ROR1: variants seen among roughly 807,000 people sequenced by gnomAD.
ROR1 encodes inactive tyrosine-protein kinase transmembrane receptor ROR1.
A neutral mutation model predicts 78.8 loss-of-function variants in ROR1; 19 were observed. The observed-to-expected ratio is 0.24, with a 90% CI of 0.17 to 0.35. The LOEUF is 0.35. Among genes scored for constraint, ROR1 ranks in the 10% least tolerant of loss-of-function variants. ROR1 has a pLI of 1.00. For synonymous variants in ROR1, 386 were observed against 433.6 expected (o/e 0.89, Z 1.36); for missense variants, 917 against 1,177.8 (o/e 0.78, Z 3.24).
At position 64,081,805 on chromosome 1, in the gene ROR1, C is replaced by A. The variant is rs565999769; in HGVS notation, c.482+31089C>A. 5.5e-3 allele frequency among the ~76,000 whole-genome samples: 799 copies of A among 145,256 alleles called. 5 individuals carry two copies. Among genetic ancestry groups the A allele is most frequent in the Non-Finnish European group, 9.2e-3 (610 of 66,550 alleles). On this transcript the variant is annotated intron_variant, in intron 4 of 8. Coordinates refer to ENST00000371079, the MANE Select transcript of ROR1 (RefSeq NM_005012.4). ...AAAAGCGGCAAAATATAACACCCCCCACACACATACACAAACACACATTTA... is the reference window on the plus strand; with the variant it reads ...AAAAGCGGCAAAATATAACACCCCCAACACACATACACAAACACACATTTA...
intron 4 of ROR1, among the ~76,000 whole-genome samples, chr1:64,126,792 T>A (rs1648726774): frequency 6.6e-6 from 1 of 152,136 alleles, no homozygotes; most frequent in Non-Finnish European, 1.5e-5. Flanking sequence ...TTGGCTGGCA[T>A]TTTTCCTGGC....
At chr1:64,035,310 A>C (rs1409321551) in intron 2 of ROR1, among the ~76,000 whole-genome samples, 2 of 152,232 alleles carry the variant, frequency 1.3e-5, no homozygotes, top group African/African-American at 4.8e-5. Context: ...GCACACGAAG[A>C]GGAAGCTTAA....
chr1:63,823,687 A>G (rs547801115), intron 1 of ROR1, among the ~76,000 whole-genome samples: 1 of 152,182 alleles, frequency 6.6e-6, no homozygotes, highest in Admixed American at 6.5e-5. Flanking sequence ...TCCTGGCTTC[A>G]AGGAATTCTC....
intron 1 of ROR1, among the ~76,000 whole-genome samples, chr1:63,979,301 G>C (rs540996141): frequency 1.3e-5 from 2 of 152,238 alleles, no homozygotes; most frequent in East Asian, 3.9e-4. Context: ...GAAAGAGATG[G>C]TATGCTCAGA....
At chr1:63,920,609 A>T (rs1478352033) in intron 1 of ROR1, among the ~76,000 whole-genome samples, 1 of 152,170 alleles carries the variant, frequency 6.6e-6, no homozygotes, top group African/African-American at 2.4e-5. Context: ...GCAGATACAG[A>T]TATGAGGAAG....
chr1:63,815,457 C>CTTTTTTTTTTTTTT (rs1644885188), intron 1 of ROR1, among the ~76,000 whole-genome samples: 1 of 103,788 alleles, frequency 9.6e-6, no homozygotes, highest in Non-Finnish European at 1.9e-5. Flanking sequence ...TTTTTTTTTT[C>CTTTTTTTTTTTTTT]TTTTTCTTTT....
chr1:64,036,147 A>G (rs893042189), intron 2 of ROR1, among the ~76,000 whole-genome samples: 2 of 152,176 alleles, frequency 1.3e-5, no homozygotes, highest in African/African-American at 4.8e-5. Flanking sequence ...GACAGGTAAA[A>G]TAAGTGATTT....
At chr1:63,921,873 T>G (rs775884826) in intron 1 of ROR1, among the ~76,000 whole-genome samples, 3 of 152,114 alleles carry the variant, frequency 2.0e-5, no homozygotes, top group Non-Finnish European at 2.9e-5. Flanking sequence ...CAAAAGCTCT[T>G]GGGAAAACCA....
intron 8 of ROR1, among the ~76,000 whole-genome samples, chr1:64,168,188 G>A (rs1423753729): frequency 6.6e-6 from 1 of 152,202 alleles, no homozygotes; most frequent in Non-Finnish European, 1.5e-5. Flanking sequence ...CATTAGCAAG[G>A]CAGGCTCTGG....
At chr1:64,175,027 G>A (rs1376167275) in intron 8 of ROR1, among the ~76,000 whole-genome samples, 1 of 149,058 alleles carries the variant, frequency 6.7e-6, no homozygotes, top group African/African-American at 2.5e-5. Flanking sequence ...TAAAAAAATA[G>A]TTATTTAATT....
intron 1 of ROR1, among the ~76,000 whole-genome samples, chr1:63,815,463 C>CTTTTTTTTT (rs1644885328): frequency 8.9e-6 from 1 of 111,922 alleles, no homozygotes; most frequent in African/African-American, 3.8e-5. Context: ...TTTTCTTTTT[C>CTTTTTTTTT]TTTTCTTTTC....
chr1:63,949,353 G>A (rs1645915471), intron 1 of ROR1, among the ~76,000 whole-genome samples: 1 of 152,048 alleles, frequency 6.6e-6, no homozygotes, highest in Admixed American at 6.5e-5. Flanking sequence ...AAAGGTTTTT[G>A]CCTGAGTGGA....
At chr1:63,961,848 G>A (rs897229664) in intron 1 of ROR1, among the ~76,000 whole-genome samples, 1 of 152,088 alleles carries the variant, frequency 6.6e-6, no homozygotes, top group Non-Finnish European at 1.5e-5. Flanking sequence ...GAAACTGAAT[G>A]TTCCAAACCC....
intron 4 of ROR1, among the ~76,000 whole-genome samples, chr1:64,116,121 T>A (rs912778352): frequency 6.6e-6 from 1 of 152,176 alleles, no homozygotes; most frequent in Non-Finnish European, 1.5e-5. Context: ...TCGTGAACTC[T>A]TGGTCACTAA....
At chr1:64,169,817 A>G (rs1481385741) in intron 8 of ROR1, among the ~76,000 whole-genome samples, 1 of 152,248 alleles carries the variant, frequency 6.6e-6, no homozygotes, top group Non-Finnish European at 1.5e-5. Flanking sequence ...TCCAAATGGG[A>G]GAAATTGGCC....
intron 4 of ROR1, among the ~76,000 whole-genome samples, chr1:64,093,373 G>A (rs913488842): frequency 6.6e-6 from 1 of 152,108 alleles, no homozygotes. Flanking sequence ...TCATGTTTTA[G>A]AGCAAGAAAG....
chr1:64,139,164 CAAAAAAAAAAA>C lies in ROR1; in HGVS notation c.611-928_611-918del, dbSNP rs755368714. ...CCTGGGCGACAGAGTGAGACTGTCT[CAAAAAAAAAAA>C]AAAAAAAAAAAAAAAAGTGGAAGTT... On this transcript the variant is annotated intron_variant, in intron 5 of 8. Transcript: ENST00000371079. Among the ~76,000 whole-genome samples, 7 of 20,670 alleles carry C rather than the reference CAAAAAAAAAAA, an allele frequency of 3.4e-4. No individual in the cohort carries two copies. In the East Asian group the frequency reaches 8.0e-3, roughly 24 times the overall value. 13.6% of individuals were successfully genotyped at this position (20,670 alleles called of 152,430 possible). A position where few individuals can be genotyped will look rare whatever the true frequency, so the allele number is the denominator to read the frequency against.
intron 8 of ROR1, among the ~76,000 whole-genome samples, chr1:64,159,722 C>T (rs537001966): frequency 6.6e-6 from 1 of 152,224 alleles, no homozygotes; most frequent in Admixed American, 6.5e-5. Flanking sequence ...ACTTACATCC[C>T]TTTTTCTTTG....
At chr1:64,045,369 A>G (rs1400186067) in intron 2 of ROR1, among the ~76,000 whole-genome samples, 1 of 152,130 alleles carries the variant, frequency 6.6e-6, no homozygotes, top group South Asian at 2.1e-4. Context: ...TTTTTGGTAT[A>G]CGCGTGTGGA....
Sources: gnomAD v4.1 joint callset for allele counts (sites outside exome capture counted in the v4.1 genomes callset) on GRCh38, gnomAD v4.1.1 for gene constraint, MANE v1.5 for transcripts, NCBI Gene and HGNC (gene_info 2026-07-23, HGNC 2026-07-21) for gene names.